The following MED13L variants were observed in gnomAD, a reference collection of about 807,000 sequenced individuals.
MED13L encodes mediator complex subunit 13L.
Under a neutral mutation model 220.9 loss-of-function variants are expected in MED13L, and 7 were observed. The observed-to-expected ratio is 0.03, with a 90% confidence interval of 0.02 to 0.06. The LOEUF (loss-of-function observed/expected upper bound fraction) is 0.06, where lower values mean the gene tolerates loss of function less well. Ranked by LOEUF, MED13L falls within the 10% of genes least tolerant of loss-of-function variation. The pLI is 1.00. For missense variants in MED13L, 1,965 were observed against 2,760.5 expected (o/e 0.71, Z 6.46); for synonymous variants, 1,011 against 1,015.2 (o/e 1.00, Z 0.08).
chr12:116,042,245 GTTAT>G (rs1444754489), intron 4 of MED13L, among the ~76,000 whole-genome samples: 1 of 152,192 alleles, frequency 6.6e-6, no homozygotes, highest in Non-Finnish European at 1.5e-5. Flanking sequence ...TTCTAACTGG[GTTAT>G]TTAAAGAATA....
rs1027879433 is a variant in MED13L at position 116,016,220 on chromosome 12, A to C, written c.1010-946T>G. 2.6e-5 allele frequency among the ~76,000 whole-genome samples: 4 copies of C among 152,086 alleles called. No homozygotes were observed. In the East Asian group the frequency reaches 7.7e-4, roughly 29 times the overall value. ...AGTCAAGGTGAAAAAGAAAGAAGCAACTTTATAACACAAACTAAGTATTCT... is the reference window on the plus strand; with the variant it reads ...AGTCAAGGTGAAAAAGAAAGAAGCACCTTTATAACACAAACTAAGTATTCT... On this transcript the variant is annotated intron_variant, in intron 7 of 30. Coordinates refer to ENST00000281928, the MANE Select transcript of MED13L (RefSeq NM_015335.5).
chr12:116,058,522 T>G (rs1481480008), intron 4 of MED13L, among the ~76,000 whole-genome samples: 1 of 152,196 alleles, frequency 6.6e-6, no homozygotes, highest in Non-Finnish European at 1.5e-5. Context: ...AAACCTATCA[T>G]TTTGTAATCT....
At chr12:116,174,283 G>A (rs1231862210) in intron 2 of MED13L, among the ~76,000 whole-genome samples, 3 of 152,092 alleles carry the variant, frequency 2.0e-5, no homozygotes, top group Non-Finnish European at 4.4e-5. Flanking sequence ...GTTTCTTTTG[G>A]ATAGATAAAA....
At chr12:116,167,673 C>T (rs890661355) in intron 2 of MED13L, among the ~76,000 whole-genome samples, 1 of 152,114 alleles carries the variant, frequency 6.6e-6, no homozygotes, top group Non-Finnish European at 1.5e-5. Flanking sequence ...CCAATGGTAG[C>T]CATTTAAGTT....
chr12:116,074,944 G>T (rs936466983), intron 4 of MED13L, among the ~76,000 whole-genome samples: 1 of 152,228 alleles, frequency 6.6e-6, no homozygotes, highest in Non-Finnish European at 1.5e-5. Flanking sequence ...GCTTTATTGC[G>T]CAAGCAAGGT....
chr12:116,205,923 A>G (rs1386614630), intron 2 of MED13L, among the ~76,000 whole-genome samples: 2 of 145,184 alleles, frequency 1.4e-5, no homozygotes, highest in African/African-American at 5.2e-5. Flanking sequence ...TTTACAATGC[A>G]CTGCATAACT....
intron 30 of MED13L, among the ~76,000 whole-genome samples, chr12:115,963,004 G>C (rs971091039): frequency 2.6e-5 from 4 of 152,212 alleles, no homozygotes; most frequent in African/African-American, 9.7e-5. Flanking sequence ...CTGGGTGACA[G>C]AGCGAGACTC....
chr12:116,111,388 T>C, intron 3 of MED13L, 40 bp downstream of exon 3: 1 of 1,526,860 alleles, frequency 6.5e-7, no homozygotes, highest in Non-Finnish European at 9.1e-7. Context: ...GCAATATACT[T>C]GGTTGTCTGC....
chr12:116,212,961 C>T (rs909598584), intron 2 of MED13L, among the ~76,000 whole-genome samples: 7 of 152,154 alleles, frequency 4.6e-5, no homozygotes, highest in African/African-American at 1.7e-4. Context: ...TTCTGTGATG[C>T]TGCTATGCAA....
intron 1 of MED13L, among the ~76,000 whole-genome samples, chr12:116,272,047 C>A (rs996470800): frequency 6.6e-6 from 1 of 152,118 alleles, no homozygotes; most frequent in African/African-American, 2.4e-5. Flanking sequence ...TGAGAGACAG[C>A]TGAATTAACT....
chr12:115,966,521 T>C (rs1037074402), intron 28 of MED13L, among the ~76,000 whole-genome samples: 4 of 152,232 alleles, frequency 2.6e-5, no homozygotes, highest in African/African-American at 7.2e-5. Context: ...TTCATGGCAT[T>C]ATGATGTAAC....
chr12:116,181,627 C>G (rs1880534437), intron 2 of MED13L, among the ~76,000 whole-genome samples: 1 of 152,132 alleles, frequency 6.6e-6, no homozygotes, highest in Non-Finnish European at 1.5e-5. Context: ...CCTGTCTCAG[C>G]CTCCGGAGCA....
chr12:116,125,671 G>A (rs1164958840), intron 2 of MED13L, among the ~76,000 whole-genome samples: 1 of 151,998 alleles, frequency 6.6e-6, no homozygotes, highest in Non-Finnish European at 1.5e-5. Context: ...TCTTATTTTG[G>A]TTTTCTGTAC....
chr12:116,223,229 C>T (rs1224469689), intron 2 of MED13L, among the ~76,000 whole-genome samples: 1 of 152,082 alleles, frequency 6.6e-6, no homozygotes, highest in Non-Finnish European at 1.5e-5. Context: ...TTATTAAGCA[C>T]TTTAACCTAA....
chr12:116,071,048 T>G (rs1181684965), intron 4 of MED13L, among the ~76,000 whole-genome samples: 1 of 152,224 alleles, frequency 6.6e-6, no homozygotes, highest in Admixed American at 6.5e-5. Context: ...AAAATATCAG[T>G]ATTTTTAATG....
intron 1 of MED13L, among the ~76,000 whole-genome samples, chr12:116,269,538 T>C (rs1313695068): frequency 1.4e-5 from 2 of 141,020 alleles, no homozygotes; most frequent in East Asian, 4.2e-4. Context: ...CCTTTAACAG[T>C]AATGGAGGCA....
chr12:116,041,601 T>C (rs1007188165), intron 4 of MED13L, among the ~76,000 whole-genome samples: 2 of 152,112 alleles, frequency 1.3e-5, no homozygotes, highest in African/African-American at 2.4e-5. Context: ...TCCCAGCACT[T>C]TGGGAGGCCA....
chr12:115,962,338 T>G (rs1332534160), intron 30 of MED13L, among the ~76,000 whole-genome samples: 9 of 152,178 alleles, frequency 5.9e-5, no homozygotes, highest in Non-Finnish European at 1.5e-5. Flanking sequence ...ATCCCTTGCA[T>G]GTGCGGTTCA....
At chr12:116,021,714 T>C (rs1323347523) in intron 5 of MED13L, among the ~76,000 whole-genome samples, 2 of 152,156 alleles carry the variant, frequency 1.3e-5, no homozygotes, top group Non-Finnish European at 2.9e-5. Flanking sequence ...TCTCTAATAA[T>C]GACATATTAG....
Sources: allele counts gnomAD v4.1 joint callset (sites outside exome capture counted in the v4.1 genomes callset), GRCh38; gene constraint gnomAD v4.1.1; transcripts MANE v1.5; gene names NCBI Gene and HGNC (gene_info 2026-07-23, HGNC 2026-07-21).